The following MBD2 variants were observed in gnomAD, a reference collection of about 807,000 sequenced individuals.
The protein encoded by MBD2 is methyl-CpG-binding domain protein 2.
MBD2 carries 9 observed loss-of-function variants against 39.3 expected under a neutral mutation model. The observed-to-expected ratio is 0.23, with a 90% CI of 0.14 to 0.40. The LOEUF is 0.40. Among genes scored for constraint, MBD2 ranks in the 10% least tolerant of loss-of-function variants. MBD2 has a pLI of 1.00. For missense variants in MBD2, 458 were observed against 532.6 expected (o/e 0.86, Z 1.38); for synonymous variants, 233 against 211.1 (o/e 1.10, Z -0.90).
At chr18:54,199,701 T>C (rs1191333782) in intron 2 of MBD2, among the ~76,000 whole-genome samples, 2 of 152,164 alleles carry the variant, frequency 1.3e-5, no homozygotes, top group Non-Finnish European at 2.9e-5. Flanking sequence ...TGTGTAACCA[T>C]CAGGTACTTA....
Position 54,176,863 on chromosome 18 carries a change from G to A in MBD2, c.841-10697C>T, listed in dbSNP as rs187974178. Among the ~76,000 whole-genome samples the A allele has an allele frequency of 1.1e-3, 161 of 152,338 alleles. 3 individuals carry two copies. Among genetic ancestry groups the A allele is most frequent in the African/African-American group, 3.5e-3 (144 of 41,576 alleles). On this transcript the variant is annotated intron_variant, in intron 3 of 6. Coordinates refer to ENST00000256429, the MANE Select transcript of MBD2 (RefSeq NM_003927.5). ...CGTGTGGCTGTGCAAACTACAATGT[G>A]ATCTCTCGTTAAGGCAAAAGATAAT... is the stretch of plus-strand genomic sequence containing the variant.
At chr18:54,174,141 T>G (rs2086195450) in intron 3 of MBD2, among the ~76,000 whole-genome samples, 1 of 152,226 alleles carries the variant, frequency 6.6e-6, no homozygotes, top group Non-Finnish European at 1.5e-5. Context: ...GATTATCAGC[T>G]TGCTTGGTTT....
chr18:54,160,087 AAGAGGAATGTTCAC>A (rs1268215707), intron 5 of MBD2, 184 bp from the exon 6 acceptor site: 5 of 589,636 alleles, frequency 8.5e-6, no homozygotes, highest in Non-Finnish European at 1.2e-5. Flanking sequence ...CCTTGCCAAA[AAGAGGAATGTTCAC>A]AGAGGCAGTT....
chr18:54,159,797 C>G lies in MBD2; in HGVS notation c.1216G>C (p.Asp406His). The change falls in exon 6 of 7, where the codon GAC (aspartate) becomes CAC (histidine). Residue 406 changes from aspartate to histidine, a missense_variant. This residue lies in a region of MBD2 where 189 missense variants were observed against 296.6 expected (regional missense o/e 0.64). Transcript: ENST00000256429. ...TATTCTTAGGCTTCATCTCCACTGT[C>G]CATTTCAATATCCATCTCTTCTGTA... ...ADTEEMDIEM[D>H]SGDEA 1 of 1,611,462 alleles carries G rather than the reference C, an allele frequency of 6.2e-7. No homozygotes were observed. The highest frequency in any genetic ancestry group is 8.5e-7 in the Non-Finnish European group (1 of 1,179,990).
intron 2 of MBD2, 106 bp downstream of exon 2, chr18:54,204,892 A>G (rs1599102275): frequency 3.7e-6 from 4 of 1,069,228 alleles, no homozygotes; most frequent in East Asian, 2.4e-5. Flanking sequence ...GGGGACATGC[A>G]CGGGACATTT....
At position 54,202,669 on chromosome 18, in the gene MBD2, T is replaced by C. The variant is rs940221492; in HGVS notation, c.702+2329A>G. 10 of 1,023,380 alleles carry C rather than the reference T, an allele frequency of 9.8e-6. No homozygotes were observed. In the African/African-American group the frequency reaches 1.7e-4, roughly 17 times the overall value. 63.4% of individuals were successfully genotyped at this position (1,023,380 alleles called of 1,614,324 possible). On this transcript the variant is annotated intron_variant, in intron 2 of 6. Coordinates refer to ENST00000256429, the MANE Select transcript of MBD2 (RefSeq NM_003927.5). ...TTCAGAAAACAATGAAAATGAAAGGTATTTCCAAAATAATGTACGGTATAA... is the reference window on the plus strand; with the variant it reads ...TTCAGAAAACAATGAAAATGAAAGGCATTTCCAAAATAATGTACGGTATAA...
At chr18:54,195,737 T>C (rs1035179417) in intron 2 of MBD2, among the ~76,000 whole-genome samples, 1 of 151,864 alleles carries the variant, frequency 6.6e-6, no homozygotes, top group Non-Finnish European at 1.5e-5. Flanking sequence ...AACCAGCGCT[T>C]AGTAAAACAA....
At chr18:54,190,242 T>C (rs1249819731) in intron 2 of MBD2, among the ~76,000 whole-genome samples, 1 of 152,188 alleles carries the variant, frequency 6.6e-6, no homozygotes, top group Non-Finnish European at 1.5e-5. Context: ...GTCATTTTGT[T>C]ATAACGATGA....
At chr18:54,207,694 AAATT>A (rs2086461445) in intron 1 of MBD2, among the ~76,000 whole-genome samples, 1 of 152,358 alleles carries the variant, frequency 6.6e-6, no homozygotes, top group Non-Finnish European at 1.5e-5. Flanking sequence ...CTAATGACCT[AAATT>A]AATATGAAAA....
chr18:54,156,915 G>C (rs1307047081), intron 6 of MBD2, among the ~76,000 whole-genome samples: 1 of 151,934 alleles, frequency 6.6e-6, no homozygotes, highest in Non-Finnish European at 1.5e-5. Context: ...GGTGACCCTT[G>C]ATTATCTGAA....
At chr18:54,171,596 T>C (rs2086179941) in intron 3 of MBD2, among the ~76,000 whole-genome samples, 1 of 152,212 alleles carries the variant, frequency 6.6e-6, no homozygotes, top group Non-Finnish European at 1.5e-5. Flanking sequence ...TATTTAAAAG[T>C]AGAGCTAATT....
intron 1 of MBD2, among the ~76,000 whole-genome samples, chr18:54,221,173 C>T (rs117223121): frequency 0.034 from 5,221 of 152,260 alleles, 128 homozygotes; most frequent in Non-Finnish European, 0.046. Flanking sequence ...TTGATCATAT[C>T]GGGGCCGGGC....
chr18:54,173,303 C>A (rs1465648448), intron 3 of MBD2, among the ~76,000 whole-genome samples: 1 of 152,092 alleles, frequency 6.6e-6, no homozygotes, highest in East Asian at 1.9e-4. Flanking sequence ...AAATGTGAGG[C>A]CTCTTGTTAA....
rs188602752 is a variant in MBD2, at chr18:54,196,252, G to C, written c.703-7241C>G. 1.1e-3 allele frequency among the ~76,000 whole-genome samples: 175 copies of C among 152,194 alleles called. 2 individuals are homozygous for C. The highest frequency in any genetic ancestry group is 4.6e-4 in the Admixed American group (7 of 15,286). Reference sequence around the variant, plus strand: ...ATGGGTAACAAGATTTTTTAAAGGAGATTAATGGCATATTAAAATATTAAT... The same window carrying C: ...ATGGGTAACAAGATTTTTTAAAGGACATTAATGGCATATTAAAATATTAAT... On this transcript the variant is annotated intron_variant, in intron 2 of 6. Transcript: ENST00000256429.
At chr18:54,220,316 A>C (rs1374223719) in intron 1 of MBD2, among the ~76,000 whole-genome samples, 1 of 152,064 alleles carries the variant, frequency 6.6e-6, no homozygotes, top group African/African-American at 2.4e-5. Flanking sequence ...CTTTTAAACA[A>C]ACACACTAGA....
At chr18:54,173,687 T>C (rs990424996) in intron 3 of MBD2, among the ~76,000 whole-genome samples, 3 of 152,196 alleles carry the variant, frequency 2.0e-5, no homozygotes, top group African/African-American at 7.2e-5. Context: ...TTCATCCCTG[T>C]TGTTTCTCAT....
chr18:54,182,768 A>G (rs907567948), intron 3 of MBD2, among the ~76,000 whole-genome samples: 7 of 152,148 alleles, frequency 4.6e-5, no homozygotes, highest in Admixed American at 1.3e-4. Context: ...TCCCATCTCT[A>G]TGAAAAACAC....
intron 2 of MBD2, among the ~76,000 whole-genome samples, chr18:54,194,448 A>G (rs895370215): frequency 1.3e-5 from 2 of 151,990 alleles, no homozygotes; most frequent in African/African-American, 4.8e-5. Flanking sequence ...CTTAGTGATA[A>G]AACAACAAAT....
intron 3 of MBD2, 75 bp from the exon 4 acceptor site, chr18:54,166,241 T>C (rs548659768): frequency 3.5e-6 from 3 of 855,916 alleles, no homozygotes; most frequent in South Asian, 1.6e-5. Context: ...TGTTGAATAA[T>C]GAAATTTAAA....
Sources: allele counts gnomAD v4.1 joint callset (sites outside exome capture counted in the v4.1 genomes callset), GRCh38; gene constraint gnomAD v4.1.1; regional missense constraint gnomAD v4.1.1; transcripts MANE v1.5; gene names NCBI Gene and HGNC (gene_info 2026-07-23, HGNC 2026-07-21).